RAP1A: variants seen among roughly 807,000 people sequenced by gnomAD.
The protein encoded by RAP1A is RAP1A, member of RAS oncogene family.
Under a neutral mutation model 26.4 loss-of-function variants are expected in RAP1A, and 6 were observed. That is an observed-to-expected ratio of 0.23 (90% CI 0.12 to 0.45). The LOEUF (loss-of-function observed/expected upper bound fraction) is 0.45, where lower values mean the gene tolerates loss of function less well. RAP1A is among the 20% of genes least tolerant of loss of function. The pLI, the probability that RAP1A is intolerant of heterozygous loss-of-function variation, is 0.99. For missense variants in RAP1A, 121 were observed against 217.2 expected, an observed-to-expected ratio of 0.56 and a Z score of 2.78; for synonymous variants, 73 against 79.4, an observed-to-expected ratio of 0.92 and a Z score of 0.43.
At position 111,706,773 on chromosome 1, in the gene RAP1A, G is replaced by A. The variant is rs367845209; in HGVS notation, c.468+2287G>A. ...CCTCATCACTGAACCATCTGCTGCT[G>A]TGAGGTAGGCAATGTTTTCCAAAGA... is the stretch of plus-strand genomic sequence containing the variant. On this transcript the variant is annotated intron_variant, in intron 6 of 7. Coordinates refer to ENST00000369709, the MANE Select transcript of RAP1A (RefSeq NM_002884.4). 6 of 968,080 alleles carry A rather than the reference G, an allele frequency of 6.2e-6. No homozygotes were observed. The East Asian group carries it at 5.7e-4, about 92-fold the overall frequency. 60.0% of individuals were successfully genotyped at this position (968,080 alleles called of 1,614,324 possible). A position where few individuals can be genotyped will look rare whatever the true frequency, so the allele number is the denominator to read the frequency against.
intron 1 of RAP1A, among the ~76,000 whole-genome samples, chr1:111,687,961 T>G (rs1218584324): frequency 7.2e-6 from 1 of 138,674 alleles, no homozygotes; most frequent in Non-Finnish European, 1.5e-5. Flanking sequence ...GGATCTTGGG[T>G]GAGCTATGAT....
intron 1 of RAP1A, among the ~76,000 whole-genome samples, chr1:111,592,680 T>C (rs1339574889): frequency 6.6e-6 from 1 of 152,196 alleles, no homozygotes; most frequent in Non-Finnish European, 1.5e-5. Context: ...TTTCCAGCTC[T>C]CTCAATGAAG....
intron 1 of RAP1A, among the ~76,000 whole-genome samples, chr1:111,664,239 T>G (rs1660721178): frequency 6.6e-6 from 1 of 151,926 alleles, no homozygotes; most frequent in Non-Finnish European, 1.5e-5. Context: ...CCGGGCATGG[T>G]GGCACATGCC....
At chr1:111,620,022 C>T (rs990460872) in intron 1 of RAP1A, 88 bp downstream of exon 1, 1 of 395,634 alleles carries the variant, frequency 2.5e-6, no homozygotes, top group African/African-American at 2.1e-5. Context: ...GCTCATGTCG[C>T]CGGTCAGTCG....
chr1:111,702,695 G>C (rs1662061351), intron 4 of RAP1A, among the ~76,000 whole-genome samples: 1 of 151,836 alleles, frequency 6.6e-6, no homozygotes, highest in Non-Finnish European at 1.5e-5. Flanking sequence ...CAAGTAGCTG[G>C]GACTACAGGT....
chr1:111,636,279 A>G (rs1167878552), intron 1 of RAP1A, among the ~76,000 whole-genome samples: 1 of 152,088 alleles, frequency 6.6e-6, no homozygotes, highest in Non-Finnish European at 1.5e-5. Context: ...TGCCCGGGGA[A>G]AGCCAGTAGT....
At chr1:111,697,551 C>G (rs1343425180) in intron 4 of RAP1A, 54 bp downstream of exon 4, 9 of 1,601,622 alleles carry the variant, frequency 5.6e-6, no homozygotes, top group Non-Finnish European at 6.8e-6. Flanking sequence ...CAGGTTTTGT[C>G]ATCTGAGTAG....
intron 1 of RAP1A, among the ~76,000 whole-genome samples, chr1:111,598,762 G>A (rs1658606822): frequency 6.6e-6 from 1 of 152,056 alleles, no homozygotes; most frequent in African/African-American, 2.4e-5. Context: ...ATACCAGCTG[G>A]GCTCCCTCCA....
chr1:111,650,305 T>G (rs999409713), intron 1 of RAP1A: 10 of 151,840 alleles, frequency 6.6e-5, no homozygotes, highest in Non-Finnish European at 1.5e-4. Flanking sequence ...TATCAAAGAG[T>G]TTCTATGCAG....
At chr1:111,622,101 C>T (rs1659228568) in intron 1 of RAP1A, among the ~76,000 whole-genome samples, 2 of 152,164 alleles carry the variant, frequency 1.3e-5, no homozygotes, top group Non-Finnish European at 2.9e-5. Context: ...ATTTTGCAAT[C>T]ACTGAAAAAG....
intron 1 of RAP1A, among the ~76,000 whole-genome samples, chr1:111,675,794 G>A (rs1453774248): frequency 6.6e-6 from 1 of 152,208 alleles, no homozygotes; most frequent in African/African-American, 2.4e-5. Context: ...ACATACCCAA[G>A]ACTGGGCAAA....
intron 1 of RAP1A, among the ~76,000 whole-genome samples, chr1:111,632,949 C>T (rs1659618230): frequency 7.3e-6 from 1 of 136,556 alleles, no homozygotes; most frequent in Non-Finnish European, 1.6e-5. Context: ...AAAAAAGATA[C>T]TGCAGCCTGC....
At chr1:111,672,053 A>G (rs766254244) in intron 1 of RAP1A, among the ~76,000 whole-genome samples, 32 of 152,148 alleles carry the variant, frequency 2.1e-4, no homozygotes, top group Non-Finnish European at 3.4e-4. Flanking sequence ...TACACTGGAA[A>G]AGGATGTATA....
chr1:111,568,504 AC>A (rs1420979469), intron 1 of RAP1A, among the ~76,000 whole-genome samples: 1 of 152,154 alleles, frequency 6.6e-6, no homozygotes, highest in Non-Finnish European at 1.5e-5. Flanking sequence ...ATCACTTCCC[AC>A]CAGGCCCCAC....
intron 1 of RAP1A, among the ~76,000 whole-genome samples, chr1:111,568,534 C>G (rs1001048351): frequency 7.9e-5 from 12 of 152,172 alleles, no homozygotes; most frequent in African/African-American, 2.7e-4. Context: ...CTGGGATTCG[C>G]ATTTTTCAAC....
intron 1 of RAP1A, among the ~76,000 whole-genome samples, chr1:111,581,110 A>G (rs1658250074): frequency 7.1e-6 from 1 of 140,506 alleles, no homozygotes; most frequent in African/African-American, 2.5e-5. Context: ...AGTGGGATGC[A>G]GGGAGCCTCA....
chr1:111,676,598 A>G (rs921538194), intron 1 of RAP1A, among the ~76,000 whole-genome samples: 11 of 152,268 alleles, frequency 7.2e-5, no homozygotes, highest in Non-Finnish European at 1.3e-4. Flanking sequence ...TATATTTTAA[A>G]TAATTCAGTT....
intron 1 of RAP1A, among the ~76,000 whole-genome samples, chr1:111,669,940 A>G (rs1330022418): frequency 6.6e-6 from 1 of 152,218 alleles, no homozygotes; most frequent in Non-Finnish European, 1.5e-5. Flanking sequence ...CTAGCAGCTG[A>G]CTTATTGAAA....
At chr1:111,709,097 C>T (rs900845742) in intron 6 of RAP1A, 52 bp from the exon 7 acceptor site, 34 of 1,565,832 alleles carry the variant, frequency 2.2e-5, no homozygotes, top group Non-Finnish European at 2.9e-5. Flanking sequence ...TTTTGTGGAA[C>T]AAAGTCTCAA....
Sources: allele counts gnomAD v4.1 joint callset (sites outside exome capture counted in the v4.1 genomes callset), GRCh38; gene constraint gnomAD v4.1.1; transcripts MANE v1.5; gene names NCBI Gene and HGNC (gene_info 2026-07-23, HGNC 2026-07-21).